The following ZMAT4 variants were observed in gnomAD, a reference collection of about 807,000 sequenced individuals.
ZMAT4 encodes the protein zinc finger matrin-type 4.
In ZMAT4, 17 loss-of-function variants were observed where a neutral mutation model predicts 28.7. The observed-to-expected ratio is 0.59, with a 90% confidence interval of 0.41 to 0.89. The LOEUF (loss-of-function observed/expected upper bound fraction) is 0.89. Ranked by LOEUF, ZMAT4 falls within the 40% of genes least tolerant of loss-of-function variation. The pLI, the probability that ZMAT4 is intolerant of heterozygous loss-of-function variation, is 0.00. For missense variants in ZMAT4, 240 were observed against 283.8 expected (o/e 0.85, Z 1.11); for synonymous variants, 117 against 109.2 (o/e 1.07, Z -0.44).
chr8:40,860,852 C>A (rs1563533024), intron 1 of ZMAT4, among the ~76,000 whole-genome samples: 2 of 152,110 alleles, frequency 1.3e-5, no homozygotes, highest in Non-Finnish European at 2.9e-5. Context: ...AATGACTGAC[C>A]AGGGGAAGCA....
chr8:40,541,243 G>A (rs1259327199), intron 6 of ZMAT4, among the ~76,000 whole-genome samples: 2 of 152,162 alleles, frequency 1.3e-5, no homozygotes, highest in Non-Finnish European at 2.9e-5. Flanking sequence ...ATAATTGGCA[G>A]AAACAGAGAC....
intron 3 of ZMAT4, among the ~76,000 whole-genome samples, chr8:40,746,295 TTTC>T: frequency 3.1e-5 from 1 of 32,408 alleles, no homozygotes; most frequent in African/African-American, 8.1e-5. Context: ...CTTTTCTTTC[TTTC>T]TCCCTTCCTT....
chr8:40,590,014 T>TTCCTTCCTTCCTTCCG (rs2118576445), intron 5 of ZMAT4, among the ~76,000 whole-genome samples: 1 of 125,132 alleles, frequency 8.0e-6, no homozygotes, highest in South Asian at 3.0e-4. Flanking sequence ...CCTTCCTTCC[T>TTCCTTCCTTCCTTCCG]TCCTTCCTTC....
intron 2 of ZMAT4, among the ~76,000 whole-genome samples, chr8:40,823,534 C>T (rs1215470057): frequency 6.6e-6 from 1 of 152,134 alleles, no homozygotes; most frequent in African/African-American, 2.4e-5. Flanking sequence ...TGTCACGCGC[C>T]TGTAGTCCCA....
chr8:40,724,517 A>G (rs949813501), intron 3 of ZMAT4, among the ~76,000 whole-genome samples: 2 of 152,198 alleles, frequency 1.3e-5, no homozygotes, highest in African/African-American at 4.8e-5. Flanking sequence ...ATACTTACAG[A>G]TATGTATTGA....
rs577307918 is a variant in ZMAT4, at chr8:40,776,611, C to T, written c.103-8881G>A. 3.0e-4 allele frequency among the ~76,000 whole-genome samples: 46 copies of T among 152,148 alleles called. 1 individual carries two copies. Among genetic ancestry groups the T allele is most frequent in the East Asian group, 7.7e-4 (4 of 5,178 alleles). ...CAGGCTCATCTAGGCTTCTCTTTTG[C>T]AGTTTGGGGAAAAAAGCACTATTTC... is the stretch of plus-strand genomic sequence containing the variant. On this transcript the variant is annotated intron_variant, in intron 2 of 6. Coordinates refer to ENST00000297737, the MANE Select transcript of ZMAT4 (RefSeq NM_024645.3).
intron 1 of ZMAT4, among the ~76,000 whole-genome samples, chr8:40,881,605 AAAG>A (rs1230550330): frequency 7.9e-5 from 12 of 151,134 alleles, no homozygotes; most frequent in Non-Finnish European, 1.5e-4. Flanking sequence ...AAAGAAAAGA[AAAG>A]AAAAGAGAGA....
At chr8:40,555,127 G>A (rs1387524467) in intron 6 of ZMAT4, among the ~76,000 whole-genome samples, 2 of 152,070 alleles carry the variant, frequency 1.3e-5, no homozygotes, top group Non-Finnish European at 2.9e-5. Context: ...TTCCATCAAT[G>A]TTGCTGCAAA....
At chr8:40,658,665 A>ACACACACAC (rs1808047925) in intron 5 of ZMAT4, among the ~76,000 whole-genome samples, 2 of 120,840 alleles carry the variant, frequency 1.7e-5, no homozygotes, top group African/African-American at 7.2e-5. Context: ...CACACACACA[A>ACACACACAC]ACACAAAACT....
chr8:40,560,314 C>G (rs565033707), intron 6 of ZMAT4, among the ~76,000 whole-genome samples: 1 of 151,764 alleles, frequency 6.6e-6, no homozygotes, highest in Non-Finnish European at 1.5e-5. Flanking sequence ...AGTCTATTTT[C>G]CATTAAAGCT....
At chr8:40,843,699 A>G (rs1208301183) in intron 1 of ZMAT4, among the ~76,000 whole-genome samples, 1 of 152,208 alleles carries the variant, frequency 6.6e-6, no homozygotes, top group African/African-American at 2.4e-5. Flanking sequence ...TAGGATCTCA[A>G]GGAGACTCAA....
At chr8:40,634,825 A>T (rs1806731871) in intron 5 of ZMAT4, among the ~76,000 whole-genome samples, 2 of 152,234 alleles carry the variant, frequency 1.3e-5, no homozygotes, top group Non-Finnish European at 2.9e-5. Context: ...GGAGCCATCC[A>T]TACAGTTACA....
chr8:40,820,935 T>C (rs559028546), intron 2 of ZMAT4, among the ~76,000 whole-genome samples: 51 of 10,286 alleles, frequency 5.0e-3, no homozygotes, highest in African/African-American at 0.016. Flanking sequence ...GTGTAGGAAG[T>C]GGGGGGCATA....
intron 4 of ZMAT4, among the ~76,000 whole-genome samples, chr8:40,686,217 TA>T (rs373507711): frequency 0.01 from 1,537 of 149,878 alleles, 14 homozygotes; most frequent in African/African-American, 0.033. Flanking sequence ...TCTATGTACT[TA>T]AAAAAAAAAT....
intron 3 of ZMAT4, among the ~76,000 whole-genome samples, chr8:40,749,226 G>C (rs1358113190): frequency 1.3e-5 from 2 of 152,120 alleles, no homozygotes; most frequent in African/African-American, 4.8e-5. Context: ...TATCCAATCA[G>C]AAAGAGGTTC....
At chr8:40,756,400 C>T (rs1812681477) in intron 3 of ZMAT4, among the ~76,000 whole-genome samples, 1 of 109,546 alleles carries the variant, frequency 9.1e-6, no homozygotes, top group Admixed American at 1.1e-4. Flanking sequence ...TTTCACCCAG[C>T]AATTTCATGT....
chr8:40,857,592 T>C (rs1318173147), intron 1 of ZMAT4, among the ~76,000 whole-genome samples: 1 of 152,190 alleles, frequency 6.6e-6, no homozygotes, highest in Non-Finnish European at 1.5e-5. Flanking sequence ...AAATGTTTCA[T>C]CCACTTTGGA....
intron 1 of ZMAT4, among the ~76,000 whole-genome samples, chr8:40,826,159 G>A (rs1816031130): frequency 6.6e-6 from 1 of 152,214 alleles, no homozygotes. Context: ...ATATTTATAT[G>A]TTAATTAAAT....
At chr8:40,647,043 A>G (rs544137053) in intron 5 of ZMAT4, among the ~76,000 whole-genome samples, 37 of 152,362 alleles carry the variant, frequency 2.4e-4, no homozygotes, top group African/African-American at 8.9e-4. Context: ...TCAGTAAAAA[A>G]AAGAAATTTG....
Sources: allele counts gnomAD v4.1 joint callset (sites outside exome capture counted in the v4.1 genomes callset), GRCh38; gene constraint gnomAD v4.1.1; transcripts MANE v1.5; gene names NCBI Gene and HGNC (gene_info 2026-07-23, HGNC 2026-07-21).